ZFYVE28: variants seen among roughly 807,000 people sequenced by gnomAD.
ZFYVE28 encodes zinc finger FYVE-type containing 28.
Under a neutral mutation model 82.1 loss-of-function variants are expected in ZFYVE28, and 40 were observed. The observed-to-expected ratio is 0.49, with a 90% CI of 0.38 to 0.63. The LOEUF (loss-of-function observed/expected upper bound fraction) is 0.63. ZFYVE28 is among the 30% of genes least tolerant of loss of function. The probability of loss-of-function intolerance (pLI) is 0.00; values close to 1 mark genes in which losing one functional copy is unlikely to be tolerated. For synonymous variants in ZFYVE28, 612 were observed against 546.1 expected (o/e 1.12, Z -1.68); for missense variants, 1,321 against 1,242.1 (o/e 1.06, Z -0.96).
In ZFYVE28 at chr4:2,416,113, C is replaced by G. The variant is rs1733011797; in HGVS notation, c.39+2172G>C. ...TCAGCTGATTCACTGGCTGTGCCCT[C>G]TTGGTGCCCGCCGCCTGCCTGGAAA... On this transcript the variant is annotated intron_variant, in intron 1 of 12. Transcript: ENST00000290974. The surrounding 1 kb of genome is among the most constrained non-coding windows in gnomAD (Gnocchi z 4.6). Among the ~76,000 whole-genome samples the G allele has an allele frequency of 6.6e-6, 1 of 152,252 alleles. No individual in the cohort carries two copies. The highest frequency in any genetic ancestry group is 6.5e-5 in the Admixed American group (1 of 15,284).
At chr4:2,299,637 A>AGGG (rs1577965534) in intron 8 of ZFYVE28, among the ~76,000 whole-genome samples, 1 of 127,690 alleles carries the variant, frequency 7.8e-6, no homozygotes, top group Non-Finnish European at 1.7e-5. Context: ...AAGGGAAGGG[A>AGGG]AGGGAGGGGA....
intron 1 of ZFYVE28, among the ~76,000 whole-genome samples, chr4:2,356,909 C>T (rs1260882145): frequency 6.6e-6 from 1 of 152,110 alleles, no homozygotes; most frequent in African/African-American, 2.4e-5. Flanking sequence ...GACGGAGTCT[C>T]ACTCTGCTGT....
intron 6 of ZFYVE28, chr4:2,330,225 A>G: frequency 1.0e-6 from 1 of 958,514 alleles, no homozygotes; most frequent in Non-Finnish European, 1.2e-6. Context: ...AATGTACCAA[A>G]AACGACTGTG....
At chr4:2,357,316 G>A (rs73205406) in intron 1 of ZFYVE28, among the ~76,000 whole-genome samples, 6 of 152,132 alleles carry the variant, frequency 3.9e-5, no homozygotes, top group African/African-American at 1.4e-4. Flanking sequence ...ACCTGCCAAT[G>A]CCCCTCCTCG....
intron 1 of ZFYVE28, among the ~76,000 whole-genome samples, chr4:2,359,363 C>A (rs112534247): frequency 1.3e-5 from 2 of 152,052 alleles, no homozygotes; most frequent in Non-Finnish European, 2.9e-5. Flanking sequence ...TGGGCTCAAG[C>A]GATTCATCTG....
chr4:2,418,561 T>TGGGCGCTC lies in ZFYVE28; in HGVS notation c.-246_-239dup. On this transcript the variant is annotated 5_prime_UTR_variant, in exon 1 of 13. Transcript: ENST00000290974. The surrounding 1 kb of genome is among the most constrained non-coding windows in gnomAD (Gnocchi z 4.6). ...GCCGGGCAGACCTCAGACCCGGGAG[T>TGGGCGCTC]GGGCGCTCGGGCGCACGGACAGACG... is the stretch of plus-strand genomic sequence containing the variant. 6.2e-6 allele frequency: 1 copy of TGGGCGCTC among 160,630 alleles called. No individual in the cohort carries two copies. The highest frequency in any genetic ancestry group is 1.3e-5 in the Non-Finnish European group (1 of 75,994). 10.0% of individuals were successfully genotyped at this position (160,630 alleles called of 1,614,324 possible).
intron 1 of ZFYVE28, among the ~76,000 whole-genome samples, chr4:2,360,873 T>C (rs1037705383): frequency 6.6e-6 from 1 of 152,234 alleles, no homozygotes; most frequent in South Asian, 2.1e-4. Flanking sequence ...GGGCGGTTAA[T>C]GTTCCATCAC....
intron 8 of ZFYVE28, among the ~76,000 whole-genome samples, chr4:2,302,158 T>C (rs1577977904): frequency 6.6e-6 from 1 of 152,216 alleles, no homozygotes; most frequent in Admixed American, 6.5e-5. Context: ...CGCGGGTGTG[T>C]ATCTGAACAT....
At chr4:2,273,336 G>A in intron 9 of ZFYVE28, 47 bp from the exon 10 acceptor site, 1 of 1,547,578 alleles carries the variant, frequency 6.5e-7, no homozygotes, top group East Asian at 2.3e-5. Context: ...ACGGATGGAA[G>A]GAACTGCGGA....
chr4:2,305,177 G>T lies in ZFYVE28; in HGVS notation c.1163C>A (p.Pro388Gln). ...CTCGTCACTGCCTGACCGCAGGCGC[G>T]GTCTACCTGGAGAGGCCTCCCCGCC... ...SPGGEASPGR[P>Q]RLRSGSDEEE... Residue 388 changes from proline to glutamine, a missense_variant, in exon 8 of 13, where the codon CCG becomes CAG. Transcript: ENST00000290974. The T allele has an allele frequency of 2.5e-6, 4 of 1,595,832 alleles. No individual in the cohort carries two copies. The highest frequency in any genetic ancestry group is 1.3e-5 in the African/African-American group (1 of 74,774).
intron 6 of ZFYVE28, among the ~76,000 whole-genome samples, chr4:2,325,864 A>G (rs975653724): frequency 1.3e-5 from 2 of 152,040 alleles, no homozygotes; most frequent in African/African-American, 4.8e-5. Flanking sequence ...AAGTGTTAGC[A>G]TTACAGGTAT....
rs574274495 is a variant in ZFYVE28, at chr4:2,342,518, C to T, written c.181-903G>A. On this transcript the variant is annotated intron_variant, in intron 2 of 12. Coordinates refer to ENST00000290974, the MANE Select transcript of ZFYVE28 (RefSeq NM_020972.3). The stretch of plus-strand genomic sequence containing the variant: ...CAGCCATCCTCCAGCCTCAGCCTCC[C>T]GAGCGGCTGGGATTACCAGAGTGAG... 11 of 152,302 alleles carry T rather than the reference C, an allele frequency of 7.2e-5. No homozygotes were observed. In the East Asian group the frequency reaches 1.5e-3, roughly 21 times the overall value. The allele number at this position is 152,302 out of a possible 1,614,324, so 9.4% of individuals were successfully genotyped here.
At chr4:2,322,532 G>A (rs1429438719) in intron 6 of ZFYVE28, among the ~76,000 whole-genome samples, 1 of 152,180 alleles carries the variant, frequency 6.6e-6, no homozygotes, top group African/African-American at 2.4e-5. Context: ...CAGGAGAGAG[G>A]ACGCCCCGCA....
In ZFYVE28 at chr4:2,322,456, G is replaced by A. The variant is rs148983676; in HGVS notation, c.702-2185C>T. 4.6e-4 allele frequency among the ~76,000 whole-genome samples: 70 copies of A among 151,636 alleles called. 1 individual carries two copies. Among genetic ancestry groups the A allele is most frequent in the Middle Eastern group, 3.5e-3 (1 of 288 alleles). ...GTGAGCCTGGCAGGCTGGATCCTGGGGTCTCGGTGTGGCCAGGGGTGTGGG... is the reference window on the plus strand; with the variant it reads ...GTGAGCCTGGCAGGCTGGATCCTGGAGTCTCGGTGTGGCCAGGGGTGTGGG... On this transcript the variant is annotated intron_variant, in intron 6 of 12. Transcript: ENST00000290974.
intron 2 of ZFYVE28, among the ~76,000 whole-genome samples, chr4:2,352,484 G>A (rs1724626820): frequency 6.6e-6 from 1 of 151,898 alleles, no homozygotes; most frequent in Non-Finnish European, 1.5e-5. Flanking sequence ...ATGAGCCAGA[G>A]GCAGGGCCCT....
intron 10 of ZFYVE28, among the ~76,000 whole-genome samples, chr4:2,272,255 G>A (rs1197581966): frequency 1.3e-5 from 2 of 152,212 alleles, no homozygotes; most frequent in African/African-American, 4.8e-5. Flanking sequence ...ATGCCCTGCT[G>A]GGCCAGGGCT....
rs541548119 is a variant in ZFYVE28, at chr4:2,384,453, A to C, written c.40-30380T>G. Reference sequence around the variant, plus strand: ...TCCCAGGACAGGGCTGTGACTGACCACTGGAGGGGGCACAGGCAGGCCACC... The same window carrying C: ...TCCCAGGACAGGGCTGTGACTGACCCCTGGAGGGGGCACAGGCAGGCCACC... On this transcript the variant is annotated intron_variant, in intron 1 of 12. Transcript: ENST00000290974. Among the ~76,000 whole-genome samples the C allele has an allele frequency of 1.1e-3, 172 of 152,310 alleles. 1 individual carries two copies. The highest frequency in any genetic ancestry group is 3.9e-3 in the African/African-American group (163 of 41,572).
intron 8 of ZFYVE28, among the ~76,000 whole-genome samples, chr4:2,292,506 G>C (rs540993008): frequency 6.6e-6 from 1 of 152,230 alleles, no homozygotes; most frequent in African/African-American, 2.4e-5. Flanking sequence ...GCCAGATCAG[G>C]TCATCGAGTG....
chr4:2,316,846 C>A (rs551462864), intron 7 of ZFYVE28, among the ~76,000 whole-genome samples: 37 of 152,228 alleles, frequency 2.4e-4, no homozygotes, highest in African/African-American at 8.7e-4. Context: ...GTGCGCACCA[C>A]CATGCCTGGC....
Sources: gnomAD v4.1 joint callset for allele counts (sites outside exome capture counted in the v4.1 genomes callset) on GRCh38, gnomAD v4.1.1 for gene constraint, Gnocchi (gnomAD v3.1) non-coding constraint, MANE v1.5 for transcripts, NCBI Gene and HGNC (gene_info 2026-07-23, HGNC 2026-07-21) for gene names.